The following TRRAP variants were observed in gnomAD, a reference collection of about 807,000 sequenced individuals.
TRRAP encodes the protein transformation/transcription domain-associated protein.
Under a neutral mutation model 438.8 loss-of-function variants are expected in TRRAP, and 41 were observed. That is an observed-to-expected ratio of 0.09 (90% CI 0.07 to 0.12). The LOEUF (loss-of-function observed/expected upper bound fraction) is 0.12. Among genes scored for constraint, TRRAP ranks in the 10% least tolerant of loss-of-function variants. The pLI is 1.00. For synonymous variants in TRRAP, 1,994 were observed against 1,962.9 expected (o/e 1.02, Z -0.42); for missense variants, 3,122 against 5,055.1 (o/e 0.62, Z 11.60).
chr7:99,012,048 G>C lies in TRRAP; in HGVS notation c.11338-23G>C, dbSNP rs79836483. 6.2e-7 allele frequency: 1 copy of C among 1,608,916 alleles called. No homozygotes were observed. Among genetic ancestry groups the C allele is most frequent in the East Asian group, 2.2e-5 (1 of 44,758 alleles). On this transcript the variant is annotated intron_variant, in intron 72 of 72. Transcript: ENST00000456197. This position sits in a 1 kb window ranked among gnomAD's most constrained non-coding sequence, Gnocchi z 5.9. The stretch of plus-strand genomic sequence containing the variant: ...GGCTGTTCTTGGTTAAACACAAGTC[G>C]TCTCGTTCTCTCCCTCACGCAGGTG...
rs1185791534 is a variant in TRRAP at position 98,908,206 on chromosome 7, G to A, written c.1116-522G>A. ...GTGTAGCTTATTTCTTTACTTGTGT[G>A]TTCTCTGCTGTAAGTAAGCTTCCTG... On this transcript the variant is annotated intron_variant, in intron 13 of 72. Transcript: ENST00000456197. The surrounding 1 kb of genome is among the most constrained non-coding windows in gnomAD (Gnocchi z 4.1). 1.3e-5 allele frequency among the ~76,000 whole-genome samples: 2 copies of A among 152,176 alleles called. No homozygotes were observed. The highest frequency in any genetic ancestry group is 4.8e-5 in the African/African-American group (2 of 41,434).
rs1211361081 is a variant in TRRAP at position 98,948,162 on chromosome 7, G to T, written c.4549-59G>T. 1.2e-6 allele frequency: 2 copies of T among 1,607,588 alleles called. No homozygotes were observed. Among genetic ancestry groups the T allele is most frequent in the South Asian group, 2.2e-5 (2 of 90,802 alleles). ...CTATAGTAGGGTCTGTAGTGACGTT[G>T]ACCTCTGTCACTTGCAAAATTAATC... is the stretch of plus-strand genomic sequence containing the variant. On this transcript the variant is annotated intron_variant, in intron 33 of 72. Transcript: ENST00000456197. The surrounding 1 kb of genome is among the most constrained non-coding windows in gnomAD (Gnocchi z 4.9).
intron 52 of TRRAP, 86 bp from the exon 53 acceptor site, chr7:98,971,713 G>GT: frequency 6.7e-7 from 1 of 1,496,512 alleles, no homozygotes; most frequent in Middle Eastern, 1.8e-4. Context: ...TACCAAAATT[G>GT]TAACAAGAAG....
Position 98,896,727 on chromosome 7 carries a change from T to C in TRRAP, c.507+907T>C, listed in dbSNP as rs1014329863. ...TCTTTAAAAAGTTTTTAAATTGATA[T>C]AGGATAAAATTGACTCTTTTTGGCA... On this transcript the variant is annotated intron_variant, in intron 7 of 72. Transcript: ENST00000456197. Among the ~76,000 whole-genome samples, 5 of 152,168 alleles carry C rather than the reference T, an allele frequency of 3.3e-5. No homozygotes were observed. The East Asian group carries it at 7.7e-4, about 23-fold the overall frequency.
chr7:98,999,336 TG>T, intron 67 of TRRAP: 1 of 1,401,366 alleles, frequency 7.1e-7, no homozygotes, highest in Non-Finnish European at 1.0e-6. Context: ...CAAGATTTCC[TG>T]GATCAGACTT....
intron 67 of TRRAP, chr7:98,999,832 C>A (rs773763346): frequency 8.7e-5 from 41 of 472,710 alleles, no homozygotes; most frequent in Non-Finnish European, 1.5e-4. Flanking sequence ...GATTTCTCCA[C>A]CTCAGACAGG....
Position 98,899,723 on chromosome 7 carries a change from C to G in TRRAP, c.756C>G (p.Pro252=), listed in dbSNP as rs200422939. ...ACAATGTTGTTGCTGAGTTTGTGCC[C>G]TTGATCATGAACACCATTGCCATTC... ...NIHNVVAEFV[P]LIMNTIAIQV... Residue 252 remains proline, a synonymous_variant, in exon 10 of 73, where the codon CCC becomes CCG. Coordinates refer to ENST00000456197, the MANE Select transcript of TRRAP (RefSeq NM_001375524.1). The G allele has an allele frequency of 5.0e-6, 8 of 1,614,154 alleles. No individual in the cohort carries two copies. Among genetic ancestry groups the G allele is most frequent in the South Asian group, 3.3e-5 (3 of 91,068 alleles).
At chr7:98,891,003 C>T (rs1429317418) in intron 4 of TRRAP, among the ~76,000 whole-genome samples, 11 of 150,360 alleles carry the variant, frequency 7.3e-5, no homozygotes, top group Admixed American at 4.6e-4. Context: ...GCTGTGTTGC[C>T]CAGGCTGGTC....
intron 8 of TRRAP, among the ~76,000 whole-genome samples, chr7:98,898,458 T>G (rs1227606192): frequency 6.6e-6 from 1 of 152,250 alleles, no homozygotes; most frequent in Non-Finnish European, 1.5e-5. Context: ...TTTTTGTGAT[T>G]GAATTATTAT....
chr7:98,943,583 A>C (rs1247208151), intron 31 of TRRAP, among the ~76,000 whole-genome samples: 5 of 152,206 alleles, frequency 3.3e-5, no homozygotes, highest in Non-Finnish European at 5.9e-5. Flanking sequence ...CCTTCAAAGC[A>C]CATTTGTATG....
intron 39 of TRRAP, among the ~76,000 whole-genome samples, chr7:98,951,424 C>T (rs1791333717): frequency 6.6e-6 from 1 of 152,200 alleles, no homozygotes; most frequent in South Asian, 2.1e-4. Flanking sequence ...TGTGACTCCT[C>T]CTTTTCCAGT....
intron 28 of TRRAP, among the ~76,000 whole-genome samples, chr7:98,936,040 T>C (rs1424744460): frequency 6.6e-6 from 1 of 152,238 alleles, no homozygotes; most frequent in African/African-American, 2.4e-5. Context: ...AAGCATTTGT[T>C]AATCCTGCAG....
At chr7:98,905,078 C>T (rs1451310310) in intron 12 of TRRAP, among the ~76,000 whole-genome samples, 10 of 152,164 alleles carry the variant, frequency 6.6e-5, no homozygotes, top group African/African-American at 2.4e-4. Flanking sequence ...GCAATTTCAT[C>T]TCCTATCACT....
At chr7:98,920,301 T>C (rs1244805534) in intron 20 of TRRAP, among the ~76,000 whole-genome samples, 2 of 151,932 alleles carry the variant, frequency 1.3e-5, no homozygotes, top group Non-Finnish European at 2.9e-5. Flanking sequence ...TGAAACCCTA[T>C]CTGCACTAAA....
chr7:99,008,436 C>T lies in TRRAP; in HGVS notation c.10813C>T (p.Leu3605Phe). The change falls in exon 70 of 73, where the codon CTT (leucine) becomes TTT (phenylalanine). Residue 3605 changes from leucine to phenylalanine, a missense_variant. By Grantham distance (22) the Leu-to-Phe change is conservative. Coordinates refer to ENST00000456197, the MANE Select transcript of TRRAP (RefSeq NM_001375524.1). ...CCTCGTGGAGGACAACCCCTCTTCA[C>T]TTTCCCTTGTGGAGATCTACAAGCA... Reference protein sequence around the residue: ...MRLVEDNPSSLSLVEIYKQRC... With the variant: ...MRLVEDNPSSFSLVEIYKQRC... 2 of 1,614,074 alleles carry T rather than the reference C, an allele frequency of 1.2e-6. No homozygotes were observed. The highest frequency in any genetic ancestry group is 1.7e-6 in the Non-Finnish European group (2 of 1,179,990).
At chr7:98,906,107 C>T in intron 12 of TRRAP, 70 bp from the exon 13 acceptor site, 1 of 1,425,548 alleles carries the variant, frequency 7.0e-7, no homozygotes, top group Non-Finnish European at 9.8e-7. Flanking sequence ...ACTTCGAAAG[C>T]ACTGTAAAGT....
rs115726370 is a variant in TRRAP at position 98,896,437 on chromosome 7, G to A, written c.507+617G>A. Among the ~76,000 whole-genome samples, 935 of 152,042 alleles carry A rather than the reference G, an allele frequency of 6.1e-3. 10 individuals carry two copies. Among genetic ancestry groups the A allele is most frequent in the African/African-American group, 0.021 (871 of 41,502 alleles). ...TTTTGGCTGGGGGTGCGGGGGTACG[G>A]GGTCTCTGTCTGCCCAGGCTGGAGT... is the stretch of plus-strand genomic sequence containing the variant. On this transcript the variant is annotated intron_variant, in intron 7 of 72. Transcript: ENST00000456197.
chr7:98,912,818 G>A (rs1347364493), intron 18 of TRRAP, among the ~76,000 whole-genome samples: 1 of 152,052 alleles, frequency 6.6e-6, no homozygotes, highest in Non-Finnish European at 1.5e-5. Flanking sequence ...CCAATACAAT[G>A]GTACCAGCTT....
chr7:98,953,313 C>T lies in TRRAP; in HGVS notation c.5610C>T (p.Thr1870=). The change falls in exon 40 of 73, where the codon ACC becomes ACT. Residue 1870 remains threonine (T), a synonymous_variant. Transcript: ENST00000456197. ...ACAGCAAGCTGCGCCGCCTCATGAC[C>T]TTCGCCTGGCCCTGCCTGCTCTCCA... is the stretch of plus-strand genomic sequence containing the variant. The part of the protein sequence containing the change: ...NRNSKLRRLM[T]FAWPCLLSKA... The T allele has an allele frequency of 1.2e-6, 2 of 1,614,072 alleles. No homozygotes were observed. The highest frequency in any genetic ancestry group is 1.1e-5 in the South Asian group (1 of 91,078).
Sources: allele counts gnomAD v4.1 joint callset (sites outside exome capture counted in the v4.1 genomes callset), GRCh38; gene constraint gnomAD v4.1.1; non-coding constraint Gnocchi (gnomAD v3.1); transcripts MANE v1.5; gene names NCBI Gene and HGNC (gene_info 2026-07-23, HGNC 2026-07-21).